The following CFAP251 variants were observed in gnomAD, a reference collection of about 807,000 sequenced individuals.
The protein encoded by CFAP251 is cilia- and flagella-associated protein 251.
In CFAP251, 93 loss-of-function variants were observed where a neutral mutation model predicts 126.7. The ratio of observed to expected loss-of-function variants is 0.73; its 90% CI spans 0.62 to 0.87. CFAP251 has a LOEUF of 0.87. CFAP251 is among the 40% of genes least tolerant of loss of function. The probability of loss-of-function intolerance (pLI) is 0.00; values close to 1 mark genes in which losing one functional copy is unlikely to be tolerated. For synonymous variants in CFAP251, 503 were observed against 506.9 expected (o/e 0.99, Z 0.10); for missense variants, 1,287 against 1,389.2 (o/e 0.93, Z 1.17).
intron 19 of CFAP251, among the ~76,000 whole-genome samples, chr12:121,980,679 T>G (rs959661117): frequency 2.0e-5 from 3 of 152,190 alleles, no homozygotes; most frequent in Admixed American, 2.0e-4. Flanking sequence ...ATTAGAAATG[T>G]TGCCTCAGAT....
chr12:121,968,872 C>T (rs1825173780), intron 17 of CFAP251: 1 of 984,864 alleles, frequency 1.0e-6, no homozygotes, highest in African/African-American at 1.7e-5. Context: ...CCTTTCGTCT[C>T]TTCTTCCTGT....
intron 3 of CFAP251, among the ~76,000 whole-genome samples, chr12:121,931,373 C>T (rs563621345): frequency 2.7e-5 from 4 of 150,686 alleles, no homozygotes; most frequent in East Asian, 1.9e-4. Flanking sequence ...AGTGCGATGG[C>T]GCGATCTCGG....
intron 2 of CFAP251, among the ~76,000 whole-genome samples, chr12:121,923,149 CCTT>C (rs914558409): frequency 6.6e-5 from 10 of 150,486 alleles, no homozygotes; most frequent in African/African-American, 2.0e-4. Context: ...CCTTCCTGTC[CCTT>C]CTTCTCTCCT....
At chr12:121,965,848 C>G (rs1432588130) in intron 15 of CFAP251, among the ~76,000 whole-genome samples, 2 of 138,902 alleles carry the variant, frequency 1.4e-5, no homozygotes, top group Non-Finnish European at 3.0e-5. Flanking sequence ...GAGGCAGGGT[C>G]TCACTCTGTT....
chr12:121,954,663 A>C (rs890908654), intron 10 of CFAP251, among the ~76,000 whole-genome samples: 7 of 147,346 alleles, frequency 4.8e-5, no homozygotes, highest in African/African-American at 7.3e-5. Context: ...AAAAAAAAAA[A>C]AAAAACCTCT....
At chr12:122,002,008 A>G in intron 21 of CFAP251, 1 of 221,496 alleles carries the variant, frequency 4.5e-6, no homozygotes, top group African/African-American at 2.2e-5. Context: ...GAATCGCTTG[A>G]GGTTCAGAAT....
intron 19 of CFAP251, among the ~76,000 whole-genome samples, chr12:121,988,743 TTC>T (rs1038285370): frequency 6.6e-6 from 1 of 151,220 alleles, no homozygotes; most frequent in African/African-American, 2.4e-5. Flanking sequence ...TTTCTTTTTT[TTC>T]TCTTTTTTTT....
chr12:121,971,411 A>G lies in CFAP251; in HGVS notation c.2771+3242A>G. ...TCAGTGAGAGGACCCAGGACAGTGC[A>G]TGGCAGACTCTTCCTAAGAAAGGTG... On this transcript the variant is annotated intron_variant, in intron 17 of 21. Transcript: ENST00000288912. 6.3e-6 allele frequency: 4 copies of G among 639,578 alleles called. No homozygotes were observed. The Admixed American group carries it at 8.6e-5, about 14-fold the overall frequency. 39.6% of individuals were successfully genotyped at this position (639,578 alleles called of 1,614,324 possible).
At chr12:121,993,951 G>GC (rs1429459669) in intron 19 of CFAP251, among the ~76,000 whole-genome samples, 1 of 104,464 alleles carries the variant, frequency 9.6e-6, no homozygotes. Flanking sequence ...TGCCCGGCCA[G>GC]CACCCCGTCC....
chr12:121,922,357 G>A (rs1194425322), intron 2 of CFAP251, among the ~76,000 whole-genome samples: 1 of 151,364 alleles, frequency 6.6e-6, no homozygotes, highest in Non-Finnish European at 1.5e-5. Flanking sequence ...TGATCCACCA[G>A]CTTTGGCCTC....
At position 121,979,563 on chromosome 12, in the gene CFAP251, C is replaced by CTTTTTTTTTTTTTTT. The variant is rs71082922; in HGVS notation, c.3006+3883_3006+3897dup. ...GAGATCATTAGTCAGCTTTCTTCTT[C>CTTTTTTTTTTTTTTT]TTTTTTTTTTTTTTTTTTTGAGACA... On this transcript the variant is annotated intron_variant, in intron 19 of 21. Transcript: ENST00000288912. Among the ~76,000 whole-genome samples the CTTTTTTTTTTTTTTT allele has an allele frequency of 2.8e-3, 236 of 84,986 alleles. 15 individuals carry two copies. The highest frequency in any genetic ancestry group is 4.7e-3 in the East Asian group (11 of 2,324). The allele number at this position is 84,986 out of a possible 152,430, so 55.8% of individuals were successfully genotyped here.
rs146415200 is a variant in CFAP251 at position 121,967,040 on chromosome 12, C to A, written c.2578C>A (p.Arg860Ser). Residue 860 changes from arginine (R) to serine (S), a missense_variant, in exon 16 of 22, where the codon CGC (arginine) becomes AGC (serine). Physicochemically the swap from Arg to Ser is moderately radical, Grantham distance 110. Transcript: ENST00000288912. ...GAGAAGCATGGCGGAGCTACAGAAA[C>A]GCTACTTGGTGTTTATTAACAGAGA... ...PVRSMAELQK[R>S]YLVFINRDKV... is the part of the protein sequence containing the mutation. The A allele has an allele frequency of 6.2e-7, 1 of 1,614,190 alleles. No homozygotes were observed. Among genetic ancestry groups the A allele is most frequent in the Admixed American group, 1.7e-5 (1 of 60,026 alleles).
chr12:121,975,917 G>A (rs1303875312), intron 19 of CFAP251, among the ~76,000 whole-genome samples: 1 of 152,102 alleles, frequency 6.6e-6, no homozygotes, highest in East Asian at 1.9e-4. Context: ...TTGGAGCATG[G>A]GTCTTGCAAC....
Position 122,003,759 on chromosome 12 carries a change from C to A in CFAP251, c.3445C>A (p.Gln1149Lys), listed in dbSNP as rs1267438233. Residue 1149 changes from glutamine to lysine, a missense_variant, in exon 22 of 22, where the codon CAG becomes AAG. Gln to Lys is a moderately conservative substitution (Grantham distance 53). Transcript: ENST00000288912. The stretch of plus-strand genomic sequence containing the variant: ...TTCAGAAGATTCCGGCCAGGATGGT[C>A]AGTGAAGTTACCAGGAATGTTTAAA... The part of the protein sequence containing the change: ...TISEDSGQDG[Q>K] 2 of 1,603,966 alleles carry A rather than the reference C, an allele frequency of 1.2e-6. No homozygotes were observed. The highest frequency in any genetic ancestry group is 1.7e-5 in the Admixed American group (1 of 57,214).
intron 19 of CFAP251, among the ~76,000 whole-genome samples, chr12:121,986,109 A>G (rs1327023238): frequency 1.3e-5 from 2 of 152,042 alleles, no homozygotes; most frequent in Non-Finnish European, 2.9e-5. Context: ...CTTCTGTCTC[A>G]GCCTCCCGAG....
chr12:121,967,936 G>A (rs1488611452), intron 16 of CFAP251, 70 bp from the exon 17 acceptor site: 10 of 1,407,808 alleles, frequency 7.1e-6, no homozygotes, highest in Admixed American at 1.9e-5. Flanking sequence ...GAGGTGACAT[G>A]TGAACGTGCC....
intron 21 of CFAP251, among the ~76,000 whole-genome samples, chr12:122,002,451 G>A (rs61952876): frequency 6.6e-6 from 1 of 152,078 alleles, no homozygotes; most frequent in Non-Finnish European, 1.5e-5. Flanking sequence ...TAAGTGGGAG[G>A]ATGACTTGGG....
intron 15 of CFAP251, among the ~76,000 whole-genome samples, chr12:121,964,912 A>G (rs1882069803): frequency 6.6e-6 from 1 of 151,788 alleles, no homozygotes; most frequent in African/African-American, 2.4e-5. Context: ...TAAAAAAAAT[A>G]AAATAAAATA....
chr12:121,958,662 G>A lies in CFAP251; in HGVS notation c.1981+140G>A. The A allele has an allele frequency of 2.0e-5, 28 of 1,370,986 alleles. No homozygotes were observed. In the South Asian group the frequency reaches 3.6e-4, roughly 17 times the overall value. 84.9% of individuals were successfully genotyped at this position (1,370,986 alleles called of 1,614,324 possible). On this transcript the variant is annotated intron_variant, in intron 12 of 21. Transcript: ENST00000288912. The stretch of plus-strand genomic sequence containing the variant: ...CTGGATGAGGCGCCTTCTCTCTGGG[G>A]CTCCCGTGGTGTTCTGGGCCTATCT...
Sources: gnomAD v4.1 joint callset for allele counts (sites outside exome capture counted in the v4.1 genomes callset) on GRCh38, gnomAD v4.1.1 for gene constraint, MANE v1.5 for transcripts, NCBI Gene and HGNC (gene_info 2026-07-23, HGNC 2026-07-21) for gene names.